Variants in RANBP17 observed in about 807,000 individuals in gnomAD.
RANBP17 encodes the protein RAN binding protein 17.
In RANBP17, 158 loss-of-function variants were observed where a neutral mutation model predicts 141.2. That is an observed-to-expected ratio of 1.12 (90% CI 0.98 to 1.28). The LOEUF (loss-of-function observed/expected upper bound fraction) is 1.28, where lower values mean the gene tolerates loss of function less well. Ranked by LOEUF, RANBP17 falls within the 50% of genes most tolerant of loss-of-function variation. The pLI is 0.00. For synonymous variants in RANBP17, 430 were observed against 450.0 expected (o/e 0.96, Z 0.56); for missense variants, 1,438 against 1,290.7 (o/e 1.11, Z -1.75).
chr5:170,867,806 C>G (rs1006167009), intron 1 of RANBP17, among the ~76,000 whole-genome samples: 1 of 152,084 alleles, frequency 6.6e-6, no homozygotes, highest in Non-Finnish European at 1.5e-5. Context: ...TGGGTTTTGC[C>G]ATATGTATAC....
chr5:170,963,631 G>A (rs1244121907), intron 13 of RANBP17, among the ~76,000 whole-genome samples: 3 of 152,094 alleles, frequency 2.0e-5, no homozygotes, highest in East Asian at 1.9e-4. Context: ...TAGATCCCTC[G>A]CATGCACAGT....
At chr5:171,030,248 A>G (rs1029749895) in intron 14 of RANBP17, among the ~76,000 whole-genome samples, 2 of 152,078 alleles carry the variant, frequency 1.3e-5, no homozygotes, top group African/African-American at 4.8e-5. Context: ...ACTAGTTTTG[A>G]GCAAGAGAAC....
At chr5:171,166,260 A>C (rs541653120) in intron 14 of RANBP17, among the ~76,000 whole-genome samples, 13 of 152,288 alleles carry the variant, frequency 8.5e-5, no homozygotes, top group African/African-American at 3.1e-4. Flanking sequence ...AACCAAAGGC[A>C]TAACCATATA....
At chr5:171,174,310 G>T (rs143077126) in intron 16 of RANBP17, among the ~76,000 whole-genome samples, 75 of 152,204 alleles carry the variant, frequency 4.9e-4, no homozygotes, top group Admixed American at 1.4e-3. Flanking sequence ...GAGCCAGCCC[G>T]CTGTGTTCAA....
chr5:171,236,205 A>G (rs1262932033), intron 22 of RANBP17, among the ~76,000 whole-genome samples: 3 of 152,228 alleles, frequency 2.0e-5, no homozygotes, highest in Non-Finnish European at 4.4e-5. Context: ...AAGTGAAGAC[A>G]TTCAGCCTGT....
intron 14 of RANBP17, among the ~76,000 whole-genome samples, chr5:171,042,947 A>G (rs1452294887): frequency 6.6e-6 from 1 of 152,198 alleles, no homozygotes; most frequent in Non-Finnish European, 1.5e-5. Flanking sequence ...GATTAAAAAT[A>G]AATAAGATTG....
intron 20 of RANBP17, among the ~76,000 whole-genome samples, chr5:171,208,420 A>G (rs1450257537): frequency 6.6e-6 from 1 of 152,186 alleles, no homozygotes; most frequent in Non-Finnish European, 1.5e-5. Context: ...TGGGAATGCA[A>G]CAATAAGAAA....
chr5:171,222,909 A>G (rs147257439), intron 22 of RANBP17, among the ~76,000 whole-genome samples: 1 of 152,322 alleles, frequency 6.6e-6, no homozygotes, highest in East Asian at 1.9e-4. Flanking sequence ...GATTACAGGC[A>G]TGAGCCACTG....
At chr5:171,183,000 A>G (rs796843876) in intron 16 of RANBP17, among the ~76,000 whole-genome samples, 167 bp from the exon 17 acceptor site, 5 of 152,324 alleles carry the variant, frequency 3.3e-5, no homozygotes, top group African/African-American at 1.2e-4. Flanking sequence ...GGTTAATAAT[A>G]GATTATCATT....
chr5:170,910,634 A>T (rs548206577), intron 6 of RANBP17: 1 of 182,714 alleles, frequency 5.5e-6, no homozygotes, highest in African/African-American at 2.4e-5. Context: ...TCCTCTATAA[A>T]TATTTCACAA....
intron 5 of RANBP17, among the ~76,000 whole-genome samples, chr5:170,905,344 G>A (rs899798092): frequency 3.3e-5 from 5 of 152,060 alleles, no homozygotes; most frequent in Non-Finnish European, 7.4e-5. Flanking sequence ...TTGCGTGTGG[G>A]CATGCATGTC....
intron 14 of RANBP17, among the ~76,000 whole-genome samples, chr5:171,025,978 T>C (rs1781207493): frequency 6.6e-6 from 1 of 152,194 alleles, no homozygotes; most frequent in Non-Finnish European, 1.5e-5. Context: ...AACTGTAAAC[T>C]CCATAACAGA....
At chr5:171,008,222 G>GGAGATTGAAGGGTAGCGAGAGAGGCTGGA (rs1489331943) in intron 14 of RANBP17, among the ~76,000 whole-genome samples, 17 of 152,216 alleles carry the variant, frequency 1.1e-4, no homozygotes, top group Non-Finnish European at 1.8e-4. Flanking sequence ...GGAAGGACAG[G>GGAGATTGAAGGGTAGCGAGAGAGGCTGGA]GAGATTGAAG....
intron 20 of RANBP17, among the ~76,000 whole-genome samples, chr5:171,208,388 A>T (rs1350577192): frequency 6.6e-6 from 1 of 152,216 alleles, no homozygotes; most frequent in Non-Finnish European, 1.5e-5. Context: ...AAGATCATTG[A>T]CATACTTCTT....
chr5:171,132,378 T>G (rs565406006), intron 14 of RANBP17, among the ~76,000 whole-genome samples: 2 of 127,886 alleles, frequency 1.6e-5, no homozygotes, highest in East Asian at 2.6e-4. Context: ...ACTTTAGTTG[T>G]TTTTTTTTTT....
chr5:171,007,589 T>C (rs1210376063), intron 14 of RANBP17, among the ~76,000 whole-genome samples: 2 of 151,932 alleles, frequency 1.3e-5, no homozygotes, highest in Admixed American at 6.6e-5. Context: ...ACAAGTTGCA[T>C]TGGGAACAGA....
chr5:171,120,278 A>T (rs930674279), intron 14 of RANBP17, among the ~76,000 whole-genome samples: 5 of 152,184 alleles, frequency 3.3e-5, no homozygotes, highest in South Asian at 2.1e-4. Flanking sequence ...CCAGCACAGC[A>T]TTGTGCCTTG....
intron 15 of RANBP17, 152 bp from the exon 16 acceptor site, chr5:171,171,054 G>T: frequency 1.9e-6 from 1 of 518,844 alleles, no homozygotes; most frequent in Non-Finnish European, 3.4e-6. Context: ...ATATGCTATT[G>T]AAAGAATAGA....
At chr5:171,092,359 G>T (rs1010910801) in intron 14 of RANBP17, among the ~76,000 whole-genome samples, 3 of 152,292 alleles carry the variant, frequency 2.0e-5, no homozygotes, top group Admixed American at 2.0e-4. Context: ...AAGAAATTCT[G>T]TTGCAGTGAC....
Sources: allele counts gnomAD v4.1 joint callset (sites outside exome capture counted in the v4.1 genomes callset), GRCh38; gene constraint gnomAD v4.1.1; transcripts MANE v1.5; gene names NCBI Gene and HGNC (gene_info 2026-07-23, HGNC 2026-07-21).